Variants in DCAF5 observed in about 807,000 individuals in gnomAD.
DCAF5 encodes the protein DDB1- and CUL4-associated factor 5.
A neutral mutation model predicts 80.7 loss-of-function variants in DCAF5; 9 were observed. The ratio of observed to expected loss-of-function variants is 0.11; its 90% CI spans 0.07 to 0.19. The LOEUF (loss-of-function observed/expected upper bound fraction) is 0.19, where lower values mean the gene tolerates loss of function less well. DCAF5 is among the 10% of genes least tolerant of loss of function. The pLI is 1.00. For synonymous variants in DCAF5, 433 were observed against 461.9 expected (o/e 0.94, Z 0.80); for missense variants, 842 against 1,205.7 (o/e 0.70, Z 4.47).
chr14:69,135,889 T>C lies in DCAF5; in HGVS notation c.215-13529A>G, dbSNP rs558067630. Among the ~76,000 whole-genome samples, 5 of 152,320 alleles carry C rather than the reference T, an allele frequency of 3.3e-5. No individual in the cohort carries two copies. The East Asian group carries it at 9.6e-4, about 29-fold the overall frequency. ...TCCAAATGATCGATGTATGATGTTA[T>C]AAAATGATGCATGGGAGGAAAGACC... is the stretch of plus-strand genomic sequence containing the variant. On this transcript the variant is annotated intron_variant, in intron 1 of 8. Coordinates refer to ENST00000341516, the MANE Select transcript of DCAF5 (RefSeq NM_003861.3).
chr14:69,129,341 G>A (rs1269122410), intron 1 of DCAF5, among the ~76,000 whole-genome samples: 2 of 152,136 alleles, frequency 1.3e-5, no homozygotes, highest in African/African-American at 2.4e-5. Context: ...TTTAGGCAAG[G>A]TATTAAGAGC....
At position 69,122,065 on chromosome 14, in the gene DCAF5, T is replaced by C. The variant is rs1021289753; in HGVS notation, c.358+152A>G. The C allele has an allele frequency of 6.9e-6, 6 of 863,584 alleles. No individual in the cohort carries two copies. In the East Asian group the frequency reaches 1.5e-4, roughly 22 times the overall value. 53.5% of individuals were successfully genotyped at this position (863,584 alleles called of 1,614,324 possible). ...AGACACACACTATCCTAATATATAA[T>C]ACTGCTGTAATGCAGAAAAGACAAG... On this transcript the variant is annotated intron_variant, in intron 2 of 8. Coordinates refer to ENST00000341516, the MANE Select transcript of DCAF5 (RefSeq NM_003861.3).
rs1426437093 is a variant in DCAF5, at chr14:69,052,116, G to C, written c.*1741C>G. On this transcript the variant is annotated 3_prime_UTR_variant, in exon 9 of 9. Transcript: ENST00000341516. ...CACACACTCCTTCATCTCCTTCTCA[G>C]TGTTTTCATACCCCAGCCGCATTAC... is the stretch of plus-strand genomic sequence containing the variant. 1 of 152,242 alleles carries C rather than the reference G, an allele frequency of 6.6e-6. No homozygotes were observed. The highest frequency in any genetic ancestry group is 1.9e-4 in the East Asian group (1 of 5,186). The allele number at this position is 152,242 out of a possible 1,614,324, so 9.4% of individuals were successfully genotyped here.
At position 69,053,707 on chromosome 14, in the gene DCAF5, G is replaced by A. The variant is rs2037835270; in HGVS notation, c.*150C>T. The stretch of plus-strand genomic sequence containing the variant: ...ACATTCAGACCCGTTGTTGAATGTT[G>A]GATAGAAGGGAGCAGCATCAGACAC... On this transcript the variant is annotated 3_prime_UTR_variant, in exon 9 of 9. Coordinates refer to ENST00000341516, the MANE Select transcript of DCAF5 (RefSeq NM_003861.3). 1 of 692,998 alleles carries A rather than the reference G, an allele frequency of 1.4e-6. No individual in the cohort carries two copies. The highest frequency in any genetic ancestry group is 3.4e-5 in the Admixed American group (1 of 29,826). 42.9% of individuals were successfully genotyped at this position (692,998 alleles called of 1,614,324 possible). A position where few individuals can be genotyped will look rare whatever the true frequency, so the allele number is the denominator to read the frequency against.
intron 5 of DCAF5, among the ~76,000 whole-genome samples, chr14:69,108,037 A>G (rs901233859): frequency 6.6e-6 from 1 of 152,242 alleles, no homozygotes; most frequent in Non-Finnish European, 1.5e-5. Flanking sequence ...TCAAAGACAA[A>G]TACTGGCCTA....
At chr14:69,095,099 C>T (rs1363881431) in intron 5 of DCAF5, among the ~76,000 whole-genome samples, 1 of 152,178 alleles carries the variant, frequency 6.6e-6, no homozygotes, top group African/African-American at 2.4e-5. Flanking sequence ...CAGAGTTATA[C>T]TCCTGTCCTC....
chr14:69,115,246 G>A (rs1411259613), intron 5 of DCAF5, among the ~76,000 whole-genome samples: 1 of 152,146 alleles, frequency 6.6e-6, no homozygotes, highest in African/African-American at 2.4e-5. Context: ...AGGTGCCTAC[G>A]CAACAGAAGG....
At chr14:69,062,762 T>C (rs534852855) in intron 7 of DCAF5, among the ~76,000 whole-genome samples, 63 of 152,304 alleles carry the variant, frequency 4.1e-4, no homozygotes, top group Non-Finnish European at 7.2e-4. Flanking sequence ...GCAATTCCAT[T>C]GTCAATGAAA....
chr14:69,147,767 T>C (rs1242327963), intron 1 of DCAF5, among the ~76,000 whole-genome samples: 1 of 152,212 alleles, frequency 6.6e-6, no homozygotes, highest in Non-Finnish European at 1.5e-5. Flanking sequence ...TAGTTGCTCA[T>C]GCTATTTGAA....
chr14:69,085,662 C>T (rs1442926957), intron 6 of DCAF5, among the ~76,000 whole-genome samples: 1 of 151,944 alleles, frequency 6.6e-6, no homozygotes, highest in Non-Finnish European at 1.5e-5. Context: ...TTTAAATATC[C>T]CTCCCTCATA....
intron 7 of DCAF5, among the ~76,000 whole-genome samples, chr14:69,069,069 A>G (rs537072909): frequency 6.6e-6 from 1 of 152,348 alleles, no homozygotes; most frequent in Admixed American, 6.5e-5. Flanking sequence ...CTTGCAACCA[A>G]TTAAAAACAG....
chr14:69,142,851 CAGTAAATACACAT>C (rs2041417358), intron 1 of DCAF5, among the ~76,000 whole-genome samples: 1 of 152,184 alleles, frequency 6.6e-6, no homozygotes, highest in African/African-American at 2.4e-5. Context: ...ATTACAGGTT[CAGTAAATACACAT>C]ATATTGTTTT....
At chr14:69,125,890 A>T (rs1488592863) in intron 1 of DCAF5, among the ~76,000 whole-genome samples, 3 of 152,190 alleles carry the variant, frequency 2.0e-5, no homozygotes, top group Non-Finnish European at 1.5e-5. Context: ...TTGTTTATGG[A>T]TAAACACACA....
chr14:69,121,820 T>C (rs1374528426), intron 2 of DCAF5, among the ~76,000 whole-genome samples: 1 of 152,168 alleles, frequency 6.6e-6, no homozygotes, highest in Non-Finnish European at 1.5e-5. Flanking sequence ...GGTCAGGACA[T>C]TCATCTGCGT....
In DCAF5 at chr14:69,119,217, T is replaced by C. The variant is rs539498352; in HGVS notation, c.372A>G (p.Gln124=). ...ACCTTTCAACATCATGGAGGATAAC[T>C]TGCTCATCATTGCCTGCAAAAGAAA... is the stretch of plus-strand genomic sequence containing the variant. ...TKVFSGGNDE[Q]VILHDVESSE... Residue 124 remains glutamine (Q), a synonymous_variant, in exon 3 of 9, where the codon CAA becomes CAG. Transcript: ENST00000341516. 1.9e-6 allele frequency: 3 copies of C among 1,613,630 alleles called. No individual in the cohort carries two copies. Among genetic ancestry groups the C allele is most frequent in the South Asian group, 1.1e-5 (1 of 91,000 alleles).
At chr14:69,090,541 A>G (rs1476469442) in intron 6 of DCAF5, 1 of 152,696 alleles carries the variant, frequency 6.5e-6, no homozygotes, top group Non-Finnish European at 1.5e-5. Flanking sequence ...ATCTATCTAC[A>G]CGCAAGACAA....
intron 2 of DCAF5, among the ~76,000 whole-genome samples, chr14:69,119,490 T>TAA (rs947164180): frequency 1.4e-5 from 2 of 139,744 alleles, no homozygotes; most frequent in African/African-American, 5.2e-5. Context: ...GTGGATGATG[T>TAA]AAAAAAAAAA....
intron 7 of DCAF5, among the ~76,000 whole-genome samples, chr14:69,067,337 CTTTT>C: frequency 8.7e-6 from 1 of 115,122 alleles, no homozygotes; most frequent in Middle Eastern, 5.7e-3. Flanking sequence ...GATTTCGTAT[CTTTT>C]TTTTTTTTTT....
chr14:69,126,317 C>G (rs1291791876), intron 1 of DCAF5, among the ~76,000 whole-genome samples: 2 of 151,950 alleles, frequency 1.3e-5, no homozygotes, highest in Non-Finnish European at 2.9e-5. Flanking sequence ...ACCACCACGC[C>G]CAGCTCATTT....
Sources: gnomAD v4.1 joint callset for allele counts (sites outside exome capture counted in the v4.1 genomes callset) on GRCh38, gnomAD v4.1.1 for gene constraint, MANE v1.5 for transcripts, NCBI Gene and HGNC (gene_info 2026-07-23, HGNC 2026-07-21) for gene names.